CTNND2: variants seen among roughly 807,000 people sequenced by gnomAD.
CTNND2 encodes the protein catenin delta-2.
CTNND2 carries 22 observed loss-of-function variants against 144.4 expected under a neutral mutation model. The observed-to-expected ratio is 0.15, with a 90% CI of 0.11 to 0.22. The LOEUF (loss-of-function observed/expected upper bound fraction) is 0.22. CTNND2 is among the 10% of genes least tolerant of loss of function. CTNND2 has a pLI of 1.00. For synonymous variants in CTNND2, 751 were observed against 695.6 expected (o/e 1.08, Z -1.25); for missense variants, 1,353 against 1,618.8 (o/e 0.84, Z 2.82).
chr5:11,224,110 T>C (rs1740077502), intron 10 of CTNND2, among the ~76,000 whole-genome samples: 1 of 152,182 alleles, frequency 6.6e-6, no homozygotes, highest in African/African-American at 2.4e-5. Context: ...TCCAAGTTGA[T>C]CTATACCTCC....
intron 2 of CTNND2, among the ~76,000 whole-genome samples, chr5:11,721,771 G>C (rs1786700354): frequency 1.3e-5 from 2 of 152,216 alleles, no homozygotes. Flanking sequence ...ATGGTGACTG[G>C]TTTCTAAGAA....
intron 1 of CTNND2, among the ~76,000 whole-genome samples, chr5:11,826,973 A>G (rs1447184969): frequency 6.6e-6 from 1 of 152,132 alleles, no homozygotes; most frequent in South Asian, 2.1e-4. Flanking sequence ...ATCAATGAAC[A>G]TGATGTCATT....
chr5:11,046,556 T>G (rs1005200149), intron 16 of CTNND2, among the ~76,000 whole-genome samples: 5 of 152,204 alleles, frequency 3.3e-5, no homozygotes, highest in Non-Finnish European at 7.3e-5. Context: ...TCAGAGCTGC[T>G]ACTTTGAAGA....
At chr5:11,583,902 C>A (rs1581556687) in intron 2 of CTNND2, among the ~76,000 whole-genome samples, 1 of 152,184 alleles carries the variant, frequency 6.6e-6, no homozygotes, top group African/African-American at 2.4e-5. Context: ...CTCAGGGTTA[C>A]GTCTGATTCT....
At chr5:11,239,907 G>A (rs1742036663) in intron 9 of CTNND2, among the ~76,000 whole-genome samples, 1 of 152,218 alleles carries the variant, frequency 6.6e-6, no homozygotes, top group African/African-American at 2.4e-5. Flanking sequence ...TAGGCTCTGA[G>A]GCCAGGGCCC....
chr5:11,253,990 TTTG>T (rs1421555529), intron 9 of CTNND2, among the ~76,000 whole-genome samples: 5 of 152,218 alleles, frequency 3.3e-5, no homozygotes, highest in Non-Finnish European at 7.3e-5. Context: ...CCCAAAACTA[TTTG>T]TTATTTTTTA....
Position 10,988,052 on chromosome 5 carries a change from C to T in CTNND2, c.3343+59G>A, listed in dbSNP as rs1314007922. 4 of 1,607,860 alleles carry T rather than the reference C, an allele frequency of 2.5e-6. No homozygotes were observed. Among genetic ancestry groups the T allele is most frequent in the Middle Eastern group, 1.7e-4 (1 of 5,936 alleles). The stretch of plus-strand genomic sequence containing the variant: ...CCGTGAAGCCTGATGTCCCATATCT[C>T]TGCCTTGTCGCGGGTCAAGCCACCA... On this transcript the variant is annotated intron_variant, in intron 20 of 21. Transcript: ENST00000304623. This position sits in a 1 kb window ranked among gnomAD's most constrained non-coding sequence, Gnocchi z 5.9.
At chr5:11,592,404 T>A (rs1779301848) in intron 2 of CTNND2, among the ~76,000 whole-genome samples, 1 of 152,052 alleles carries the variant, frequency 6.6e-6, no homozygotes, top group Non-Finnish European at 1.5e-5. Flanking sequence ...AACTCACATA[T>A]CTCCTTCATG....
chr5:11,696,653 C>T (rs1785154133), intron 2 of CTNND2, among the ~76,000 whole-genome samples: 1 of 152,126 alleles, frequency 6.6e-6, no homozygotes, highest in African/African-American at 2.4e-5. Flanking sequence ...GCTCATTGTT[C>T]AAATTCATGA....
chr5:11,410,874 A>ATTT (rs75920355), intron 5 of CTNND2, among the ~76,000 whole-genome samples: 2 of 143,872 alleles, frequency 1.4e-5, no homozygotes. Flanking sequence ...CTGATAGGTA[A>ATTT]TTTTTTTTTT....
chr5:11,000,181 T>C (rs1054202986), intron 18 of CTNND2, among the ~76,000 whole-genome samples: 1 of 152,214 alleles, frequency 6.6e-6, no homozygotes, highest in African/African-American at 2.4e-5. Context: ...TTCGGACTGG[T>C]CTACAGGAGG....
chr5:11,232,118 C>G (rs1442200945), intron 10 of CTNND2, among the ~76,000 whole-genome samples: 1 of 152,240 alleles, frequency 6.6e-6, no homozygotes, highest in Non-Finnish European at 1.5e-5. Context: ...GTGGAAACAC[C>G]CTGAATGTCC....
intron 11 of CTNND2, among the ~76,000 whole-genome samples, chr5:11,163,719 C>T (rs1759020525): frequency 6.6e-6 from 1 of 152,072 alleles, no homozygotes; most frequent in South Asian, 2.1e-4. Context: ...CTTCCAAATT[C>T]CAATGTGAGA....
At chr5:11,098,431 T>C in intron 15 of CTNND2, 144 bp downstream of exon 15, 1 of 704,726 alleles carries the variant, frequency 1.4e-6, no homozygotes, top group Non-Finnish European at 2.3e-6. Context: ...CATTTCCAAG[T>C]AAAACAGTTC....
chr5:11,009,031 A>G (rs998459089), intron 18 of CTNND2, among the ~76,000 whole-genome samples: 1 of 152,226 alleles, frequency 6.6e-6, no homozygotes. Flanking sequence ...TTATATTCAT[A>G]AAGTGTACTC....
At chr5:11,191,030 G>C (rs979928981) in intron 11 of CTNND2, among the ~76,000 whole-genome samples, 11 of 152,166 alleles carry the variant, frequency 7.2e-5, no homozygotes, top group African/African-American at 2.7e-4. Flanking sequence ...GGAAAGCAGA[G>C]GAAAATGAAT....
At chr5:11,720,955 C>T (rs1034990155) in intron 2 of CTNND2, among the ~76,000 whole-genome samples, 4 of 152,180 alleles carry the variant, frequency 2.6e-5, no homozygotes, top group African/African-American at 9.7e-5. Flanking sequence ...AGCATTTCCA[C>T]TCTTAGGTTT....
At chr5:11,728,187 T>C (rs1787127002) in intron 2 of CTNND2, among the ~76,000 whole-genome samples, 1 of 152,052 alleles carries the variant, frequency 6.6e-6, no homozygotes, top group Non-Finnish European at 1.5e-5. Context: ...AGCCCAGAAA[T>C]GTCAGCTGGG....
At chr5:11,115,267 T>C (rs2149691293) in intron 13 of CTNND2, among the ~76,000 whole-genome samples, 1 of 152,380 alleles carries the variant, frequency 6.6e-6, no homozygotes, top group East Asian at 1.9e-4. Flanking sequence ...TTGTGCCATG[T>C]TGGTTCTTGA....
Sources: allele counts gnomAD v4.1 joint callset (sites outside exome capture counted in the v4.1 genomes callset), GRCh38; gene constraint gnomAD v4.1.1; non-coding constraint Gnocchi (gnomAD v3.1); transcripts MANE v1.5; gene names NCBI Gene and HGNC (gene_info 2026-07-23, HGNC 2026-07-21).